XPR1: variants seen among roughly 807,000 people sequenced by gnomAD.
XPR1 encodes solute carrier family 53 member 1.
XPR1 carries 28 observed loss-of-function variants against 87.5 expected under a neutral mutation model. The observed-to-expected ratio is 0.32, with a 90% CI of 0.24 to 0.44. The LOEUF (loss-of-function observed/expected upper bound fraction) is 0.44, where lower values mean the gene tolerates loss of function less well. XPR1 is among the 20% of genes least tolerant of loss of function. The pLI is 1.00. For synonymous variants in XPR1, 300 were observed against 306.1 expected, an observed-to-expected ratio of 0.98 and a Z score of 0.21; for missense variants, 559 against 862.3, an observed-to-expected ratio of 0.65 and a Z score of 4.41.
chr1:180,651,231 A>G (rs1490953452), intron 1 of XPR1, among the ~76,000 whole-genome samples: 1 of 151,702 alleles, frequency 6.6e-6, no homozygotes, highest in Non-Finnish European at 1.5e-5. Flanking sequence ...AGCTGGGATT[A>G]CGGGTGCCCG....
At chr1:180,825,377 G>A (rs373197305) in intron 9 of XPR1, 33 bp downstream of exon 9, 1 of 1,587,600 alleles carries the variant, frequency 6.3e-7, no homozygotes, top group Non-Finnish European at 8.6e-7. Context: ...CACTTTTAGA[G>A]TGGCATATTG....
At chr1:180,770,887 T>C (rs1246088518) in intron 2 of XPR1, among the ~76,000 whole-genome samples, 1 of 152,152 alleles carries the variant, frequency 6.6e-6, no homozygotes, top group African/African-American at 2.4e-5. Context: ...CCGCTTATTA[T>C]TATTTTTCCT....
intron 2 of XPR1, among the ~76,000 whole-genome samples, chr1:180,737,694 A>G (rs1401885343): frequency 6.6e-6 from 1 of 152,222 alleles, no homozygotes; most frequent in Non-Finnish European, 1.5e-5. Flanking sequence ...TGTCATATAA[A>G]TAGAATAATA....
chr1:180,729,967 G>T (rs1046926519), intron 2 of XPR1, among the ~76,000 whole-genome samples: 1 of 152,152 alleles, frequency 6.6e-6, no homozygotes, highest in South Asian at 2.1e-4. Context: ...CTTTGCCGGG[G>T]TCTATGTCCA....
At chr1:180,838,070 A>G (rs1173960643) in intron 11 of XPR1, among the ~76,000 whole-genome samples, 1 of 152,176 alleles carries the variant, frequency 6.6e-6, no homozygotes, top group Non-Finnish European at 1.5e-5. Flanking sequence ...TTAACTCCCA[A>G]AAGCACTACT....
At chr1:180,807,619 G>A (rs532445976) in intron 6 of XPR1, among the ~76,000 whole-genome samples, 3 of 152,298 alleles carry the variant, frequency 2.0e-5, no homozygotes, top group South Asian at 2.1e-4. Flanking sequence ...TTAAAGATAC[G>A]TTGTTTCTTC....
chr1:180,866,816 T>A (rs1487220185), intron 12 of XPR1, among the ~76,000 whole-genome samples: 1 of 150,872 alleles, frequency 6.6e-6, no homozygotes, highest in African/African-American at 2.4e-5. Flanking sequence ...TTTTAATTTT[T>A]TTTTTTTTAT....
intron 7 of XPR1, among the ~76,000 whole-genome samples, chr1:180,813,837 G>A (rs1265654003): frequency 6.6e-6 from 1 of 152,170 alleles, no homozygotes; most frequent in African/African-American, 2.4e-5. Flanking sequence ...TTAGGCTGGT[G>A]CAAAAGTTGC....
At chr1:180,773,150 A>G (rs1274143647) in intron 2 of XPR1, among the ~76,000 whole-genome samples, 1 of 152,140 alleles carries the variant, frequency 6.6e-6, no homozygotes, top group African/African-American at 2.4e-5. Context: ...AATGTCTCTG[A>G]AAAGGGTTAT....
chr1:180,665,321 C>T (rs529944288), intron 1 of XPR1, among the ~76,000 whole-genome samples: 52 of 152,246 alleles, frequency 3.4e-4, no homozygotes, highest in Non-Finnish European at 5.1e-4. Flanking sequence ...CCTTGACATT[C>T]GTGGGGATTA....
chr1:180,767,649 A>C (rs1648338502), intron 2 of XPR1, among the ~76,000 whole-genome samples: 1 of 152,220 alleles, frequency 6.6e-6, no homozygotes, highest in Non-Finnish European at 1.5e-5. Context: ...AAGAGTATAT[A>C]ATCTGGGAAA....
At chr1:180,880,331 T>G in intron 14 of XPR1, 34 bp downstream of exon 14, 1 of 1,611,952 alleles carries the variant, frequency 6.2e-7, no homozygotes, top group South Asian at 1.1e-5. Flanking sequence ...GAGGCATATT[T>G]CCTTTGAGTT....
At chr1:180,832,000 T>C (rs745717797) in intron 9 of XPR1, among the ~76,000 whole-genome samples, 17 of 152,232 alleles carry the variant, frequency 1.1e-4, no homozygotes, top group Non-Finnish European at 2.1e-4. Context: ...TGAACTAATT[T>C]ATACTCCCAC....
chr1:180,826,027 G>A (rs1650821525), intron 9 of XPR1, among the ~76,000 whole-genome samples: 1 of 152,062 alleles, frequency 6.6e-6, no homozygotes, highest in African/African-American at 2.4e-5. Flanking sequence ...TCCAGCCTGG[G>A]CAACAAGAGC....
At position 180,695,745 on chromosome 1, in the gene XPR1, A is replaced by T. The variant is rs188318063; in HGVS notation, c.121+13334A>T. On this transcript the variant is annotated intron_variant, in intron 2 of 14. Coordinates refer to ENST00000367590, the MANE Select transcript of XPR1 (RefSeq NM_004736.4). ...TGTTGATAGTCAGTTTTCTGTAAAT[A>T]TGTGGGTTTATTTTTGGATTCTTTA... is the stretch of plus-strand genomic sequence containing the variant. Among the ~76,000 whole-genome samples the T allele has an allele frequency of 1.1e-4, 16 of 152,052 alleles. No homozygotes were observed. In the East Asian group the frequency reaches 3.1e-3, roughly 29 times the overall value.
At chr1:180,696,496 A>T (rs1286248903) in intron 2 of XPR1, among the ~76,000 whole-genome samples, 1 of 151,956 alleles carries the variant, frequency 6.6e-6, no homozygotes, top group African/African-American at 2.4e-5. Context: ...TAGGAATTTC[A>T]GTACTATGTT....
At position 180,722,276 on chromosome 1, in the gene XPR1, A is replaced by G. The variant is rs534828438; in HGVS notation, c.121+39865A>G. ...ACACCCGGCTAATTTTTGTATTTTT[A>G]GTAGTGACAGGGTTTCGCCATCTTG... On this transcript the variant is annotated intron_variant, in intron 2 of 14. Coordinates refer to ENST00000367590, the MANE Select transcript of XPR1 (RefSeq NM_004736.4). Among the ~76,000 whole-genome samples, 7 of 152,186 alleles carry G rather than the reference A, an allele frequency of 4.6e-5. No individual in the cohort carries two copies. In the South Asian group the frequency reaches 1.5e-3, roughly 32 times the overall value.
chr1:180,688,089 C>G (rs945990911), intron 2 of XPR1, among the ~76,000 whole-genome samples: 3 of 143,332 alleles, frequency 2.1e-5, no homozygotes, highest in African/African-American at 8.0e-5. Context: ...CTTGCTCTCT[C>G]TCCCAGGCTG....
intron 2 of XPR1, among the ~76,000 whole-genome samples, chr1:180,729,666 T>A (rs1253291612): frequency 6.6e-6 from 1 of 152,244 alleles, no homozygotes; most frequent in Non-Finnish European, 1.5e-5. Flanking sequence ...TGTTGAGTAT[T>A]TTTTCATATA....
Sources: gnomAD v4.1 joint callset for allele counts (sites outside exome capture counted in the v4.1 genomes callset) on GRCh38, gnomAD v4.1.1 for gene constraint, MANE v1.5 for transcripts, NCBI Gene and HGNC (gene_info 2026-07-23, HGNC 2026-07-21) for gene names.